GRIN2A: variants seen among roughly 807,000 people sequenced by gnomAD.
GRIN2A encodes the protein glutamate ionotropic receptor NMDA type subunit 2A, also known as glutamate receptor ionotropic, NMDA 2A.
A neutral mutation model predicts 113.4 loss-of-function variants in GRIN2A; 22 were observed. That is an observed-to-expected ratio of 0.19 (90% CI 0.14 to 0.28). The LOEUF (loss-of-function observed/expected upper bound fraction) is 0.28. Among genes scored for constraint, GRIN2A ranks in the 10% least tolerant of loss-of-function variants. The pLI is 1.00. For missense variants in GRIN2A, 1,502 were observed against 1,887.0 expected (o/e 0.80, Z 3.78); for synonymous variants, 827 against 738.4 (o/e 1.12, Z -1.94).
chr16:10,176,134 T>C (rs1466893589), intron 2 of GRIN2A, among the ~76,000 whole-genome samples: 1 of 151,734 alleles, frequency 6.6e-6, no homozygotes, highest in African/African-American at 2.4e-5. Flanking sequence ...GCCTCCTGAG[T>C]AGCTGGGATT....
Position 9,768,814 on chromosome 16 carries a change from C to T in GRIN2A, c.2595+37G>A, listed in dbSNP as rs370753218. ...GAACCCAAGCGCTTTTCTAAACCTGCTTGCAGTGCAAGAAAGTAGCCACCC... is the reference window on the plus strand; with the variant it reads ...GAACCCAAGCGCTTTTCTAAACCTGTTTGCAGTGCAAGAAAGTAGCCACCC... On this transcript the variant is annotated intron_variant, in intron 12 of 12. Coordinates refer to ENST00000330684, the MANE Select transcript of GRIN2A (RefSeq NM_001134407.3). The T allele has an allele frequency of 3.2e-5, 46 of 1,415,716 alleles. 1 individual carries two copies. The highest frequency in any genetic ancestry group is 1.7e-4 in the Middle Eastern group (1 of 5,740). 87.7% of individuals were successfully genotyped at this position (1,415,716 alleles called of 1,614,324 possible).
chr16:9,852,946 G>A (rs2141376700), intron 4 of GRIN2A, among the ~76,000 whole-genome samples: 1 of 152,328 alleles, frequency 6.6e-6, no homozygotes, highest in East Asian at 1.9e-4. Flanking sequence ...TTGCTTGCAT[G>A]AAATTTTTGT....
chr16:9,887,753 CA>C (rs201984371), intron 4 of GRIN2A, among the ~76,000 whole-genome samples: 1 of 151,908 alleles, frequency 6.6e-6, no homozygotes, highest in Admixed American at 6.6e-5. Context: ...AAAAAACAAA[CA>C]AAAAAAACAC....
chr16:10,007,648 A>G (rs1024003402), intron 2 of GRIN2A, among the ~76,000 whole-genome samples: 3 of 151,210 alleles, frequency 2.0e-5, no homozygotes, highest in African/African-American at 7.3e-5. Context: ...CCATTTGCCC[A>G]TTTTGCTTTG....
In GRIN2A at chr16:10,034,229, C is replaced by A. The variant is rs568568603; in HGVS notation, c.415-95678G>T. On this transcript the variant is annotated intron_variant, in intron 2 of 12. Transcript: ENST00000330684. ...ATCAGGGAAGCTTAGCAACTTGGGG[C>A]AAAACTGGCTCAGGGCCGGGCATGG... is the stretch of plus-strand genomic sequence containing the variant. Among the ~76,000 whole-genome samples the A allele has an allele frequency of 5.3e-5, 8 of 152,018 alleles. No individual in the cohort carries two copies. The South Asian group carries it at 1.5e-3, about 28-fold the overall frequency.
intron 3 of GRIN2A, among the ~76,000 whole-genome samples, chr16:9,908,448 T>C (rs1214820406): frequency 1.3e-5 from 2 of 152,208 alleles, no homozygotes; most frequent in Admixed American, 1.3e-4. Flanking sequence ...TCCAGTTTTT[T>C]TTCCCAAATA....
intron 2 of GRIN2A, among the ~76,000 whole-genome samples, chr16:10,105,118 C>T (rs914068556): frequency 6.6e-6 from 1 of 150,402 alleles, no homozygotes; most frequent in African/African-American, 2.5e-5. Context: ...CAGAGTTCAT[C>T]CCGAGTCTTC....
chr16:10,131,263 G>A (rs1353751523), intron 2 of GRIN2A, among the ~76,000 whole-genome samples: 2 of 152,146 alleles, frequency 1.3e-5, no homozygotes, highest in Admixed American at 6.5e-5. Flanking sequence ...TGTAGAGTGG[G>A]CTGTAGTAGT....
At chr16:10,024,382 C>T (rs1377188903) in intron 2 of GRIN2A, among the ~76,000 whole-genome samples, 1 of 152,118 alleles carries the variant, frequency 6.6e-6, no homozygotes, top group East Asian at 1.9e-4. Context: ...GCCACCACAC[C>T]CAGCTAATTT....
intron 2 of GRIN2A, among the ~76,000 whole-genome samples, chr16:10,046,523 C>T (rs2141973871): frequency 6.6e-6 from 1 of 152,248 alleles, no homozygotes; most frequent in Admixed American, 6.5e-5. Flanking sequence ...CCATAACAAA[C>T]CTACTTTGCT....
intron 11 of GRIN2A, among the ~76,000 whole-genome samples, chr16:9,795,991 G>T (rs1248629454): frequency 1.3e-5 from 2 of 152,192 alleles, no homozygotes; most frequent in Admixed American, 1.3e-4. Flanking sequence ...TAGGGGATTT[G>T]CCCTCTGAGA....
intron 4 of GRIN2A, among the ~76,000 whole-genome samples, chr16:9,864,735 A>G (rs2141408766): frequency 6.6e-6 from 1 of 152,322 alleles, no homozygotes; most frequent in Admixed American, 6.5e-5. Context: ...TCAGTGGAAC[A>G]GCATTTCATC....
chr16:9,810,328 C>T (rs74432089), intron 10 of GRIN2A, among the ~76,000 whole-genome samples: 6,582 of 152,258 alleles, frequency 0.043, 503 homozygotes, highest in African/African-American at 0.15. Flanking sequence ...ACAGCCTCCA[C>T]TGGCAGCACT....
chr16:9,938,463 T>C lies in GRIN2A; in HGVS notation c.503A>G (p.His168Arg). ...GATAGTGGTCACCAGGGAGAAGACA[T>C]GCCAGTCATAATCCTGCATGATCTT... ...MLKIMQDYDWHVFSLVTTIFP... is the reference protein window; with the variant it reads ...MLKIMQDYDWRVFSLVTTIFP... Residue 168 changes from histidine to arginine, a missense_variant, in exon 3 of 13, where the codon CAT becomes CGT. Around this residue, in one of 7 missense-constraint regions of GRIN2A, gnomAD observed 334 missense variants for 403.0 expected, o/e 0.83. Transcript: ENST00000330684. 6.2e-7 allele frequency: 1 copy of C among 1,613,782 alleles called. No homozygotes were observed. The highest frequency in any genetic ancestry group is 1.3e-5 in the African/African-American group (1 of 75,050).
At chr16:10,111,596 C>T (rs372843472) in intron 2 of GRIN2A, 2 of 1,091,318 alleles carry the variant, frequency 1.8e-6, no homozygotes, top group Non-Finnish European at 2.8e-6. Flanking sequence ...CCTATGGACA[C>T]TGAGACAGAG....
intron 2 of GRIN2A, among the ~76,000 whole-genome samples, chr16:10,033,360 G>C (rs1206312947): frequency 6.6e-6 from 1 of 152,102 alleles, no homozygotes. Context: ...GGAAACACAG[G>C]TGCCGCTATC....
At chr16:9,889,449 T>C (rs1452244725) in intron 4 of GRIN2A, among the ~76,000 whole-genome samples, 2 of 152,142 alleles carry the variant, frequency 1.3e-5, no homozygotes, top group African/African-American at 4.8e-5. Context: ...CTATGGCTTG[T>C]GTTCCACCTT....
intron 4 of GRIN2A, among the ~76,000 whole-genome samples, chr16:9,860,225 G>A (rs998531975): frequency 6.6e-6 from 1 of 151,904 alleles, no homozygotes; most frequent in African/African-American, 2.4e-5. Context: ...GGAAGCTGAG[G>A]TGGGCAGATC....
At chr16:9,964,271 C>T (rs2045507055) in intron 2 of GRIN2A, among the ~76,000 whole-genome samples, 2 of 152,282 alleles carry the variant, frequency 1.3e-5, no homozygotes, top group East Asian at 3.9e-4. Flanking sequence ...GGCCCTGGAA[C>T]CAGTGACCCA....
Sources: allele counts gnomAD v4.1 joint callset (sites outside exome capture counted in the v4.1 genomes callset), GRCh38; gene constraint gnomAD v4.1.1; regional missense constraint gnomAD v4.1.1; transcripts MANE v1.5; gene names NCBI Gene and HGNC (gene_info 2026-07-23, HGNC 2026-07-21).